The following SPAG16 variants were observed in gnomAD, a reference collection of about 807,000 sequenced individuals.
SPAG16 encodes sperm associated antigen 16.
SPAG16 carries 86 observed loss-of-function variants against 80.4 expected under a neutral mutation model. The ratio of observed to expected loss-of-function variants is 1.07; its 90% CI spans 0.90 to 1.28. The LOEUF is 1.28. Among genes scored for constraint, SPAG16 ranks in the 50% most tolerant of loss-of-function variants. The pLI, the probability that SPAG16 is intolerant of heterozygous loss-of-function variation, is 0.00. For missense variants in SPAG16, 870 were observed against 765.3 expected (o/e 1.14, Z -1.61); for synonymous variants, 294 against 265.9 (o/e 1.11, Z -1.03).
chr2:213,989,358 T>G (rs2046170953), intron 12 of SPAG16, among the ~76,000 whole-genome samples: 1 of 152,100 alleles, frequency 6.6e-6, no homozygotes, highest in South Asian at 2.1e-4. Context: ...TAAAACTAAC[T>G]CAGTTTGCGG....
intron 10 of SPAG16, among the ~76,000 whole-genome samples, chr2:213,844,940 A>G (rs777960433): frequency 3.4e-4 from 52 of 152,340 alleles, no homozygotes; most frequent in Admixed American, 1.4e-3. Context: ...CTAAAAATAC[A>G]CTAAGTGGCA....
chr2:214,184,137 A>T (rs2057395810), intron 15 of SPAG16, among the ~76,000 whole-genome samples: 1 of 152,110 alleles, frequency 6.6e-6, no homozygotes, highest in African/African-American at 2.4e-5. Flanking sequence ...ATATGCTTAT[A>T]GTCTGATATT....
At chr2:214,070,114 C>T (rs1221093105) in intron 13 of SPAG16, among the ~76,000 whole-genome samples, 3 of 149,614 alleles carry the variant, frequency 2.0e-5, no homozygotes, top group Admixed American at 6.7e-5. Flanking sequence ...TGAAATACCT[C>T]TTTGTGCATT....
chr2:213,572,592 G>T (rs1209216606), intron 10 of SPAG16, among the ~76,000 whole-genome samples: 2 of 152,140 alleles, frequency 1.3e-5, no homozygotes, highest in African/African-American at 2.4e-5. Context: ...GCAGTCGGCG[G>T]GTTCTCAGAT....
chr2:213,349,425 A>G (rs1262704766), intron 6 of SPAG16, among the ~76,000 whole-genome samples: 1 of 152,156 alleles, frequency 6.6e-6, no homozygotes, highest in East Asian at 1.9e-4. Context: ...AATAAGATGG[A>G]TAAACTCTTA....
intron 10 of SPAG16, among the ~76,000 whole-genome samples, chr2:213,656,552 T>C (rs2063231552): frequency 6.6e-6 from 1 of 152,230 alleles, no homozygotes; most frequent in African/African-American, 2.4e-5. Flanking sequence ...GGCCATGTAG[T>C]ACTCATGAGG....
At chr2:213,616,004 A>G (rs2061582494) in intron 10 of SPAG16, among the ~76,000 whole-genome samples, 1 of 152,216 alleles carries the variant, frequency 6.6e-6, no homozygotes, top group African/African-American at 2.4e-5. Flanking sequence ...GCACATGTAT[A>G]CCTACGTAAC....
At chr2:214,233,157 G>A (rs772644911) in intron 15 of SPAG16, among the ~76,000 whole-genome samples, 2 of 151,928 alleles carry the variant, frequency 1.3e-5, no homozygotes, top group African/African-American at 4.8e-5. Context: ...TAGCATAGAG[G>A]TTTGCCTCCA....
intron 8 of SPAG16, among the ~76,000 whole-genome samples, chr2:213,367,292 G>T (rs1223132403): frequency 1.3e-5 from 2 of 151,466 alleles, no homozygotes; most frequent in Admixed American, 6.6e-5. Context: ...ATAATCCTTT[G>T]GGTATATACC....
intron 9 of SPAG16, among the ~76,000 whole-genome samples, chr2:213,400,928 C>T (rs1378408704): frequency 2.0e-5 from 3 of 152,120 alleles, no homozygotes; most frequent in African/African-American, 7.2e-5. Context: ...CCACCTCAGC[C>T]TTCCAAGTAG....
At chr2:213,980,959 CT>C in intron 12 of SPAG16, among the ~76,000 whole-genome samples, 1 of 151,776 alleles carries the variant, frequency 6.6e-6, no homozygotes, top group Non-Finnish European at 1.5e-5. Context: ...CTATGTGGGT[CT>C]TCCTGTATTA....
At chr2:213,284,726 C>A in intron 1 of SPAG16, 107 bp downstream of exon 1, 1 of 1,415,036 alleles carries the variant, frequency 7.1e-7, no homozygotes, top group Non-Finnish European at 9.3e-7. Flanking sequence ...GGGGCCACTC[C>A]GGAGGAGCCT....
intron 14 of SPAG16, among the ~76,000 whole-genome samples, chr2:214,109,055 A>T (rs1238506456): frequency 2.0e-5 from 3 of 152,140 alleles, no homozygotes; most frequent in Non-Finnish European, 4.4e-5. Flanking sequence ...TTGAAGCTGC[A>T]AGTTCAGTCT....
chr2:213,552,837 T>A (rs1321598518), intron 10 of SPAG16, among the ~76,000 whole-genome samples: 4 of 152,194 alleles, frequency 2.6e-5, no homozygotes, highest in Non-Finnish European at 5.9e-5. Flanking sequence ...AGGACTAGAC[T>A]GGCTAAGTCT....
At chr2:214,383,371 G>A (rs1214477150) in intron 15 of SPAG16, among the ~76,000 whole-genome samples, 10 of 152,036 alleles carry the variant, frequency 6.6e-5, no homozygotes, top group African/African-American at 1.9e-4. Context: ...TCAGGAGTTC[G>A]AGACAAGCCT....
chr2:214,407,130 T>C (rs1340506110), intron 15 of SPAG16, among the ~76,000 whole-genome samples: 1 of 152,094 alleles, frequency 6.6e-6, no homozygotes, highest in Non-Finnish European at 1.5e-5. Flanking sequence ...TTAAAATACC[T>C]TTATAAATCA....
rs187911551 is a variant in SPAG16, at chr2:214,023,477, T to C, written c.1527+9400T>C. Among the ~76,000 whole-genome samples the C allele has an allele frequency of 9.5e-4, 144 of 151,938 alleles. 1 individual carries two copies. Among genetic ancestry groups the C allele is most frequent in the African/African-American group, 3.3e-3 (137 of 41,552 alleles). On this transcript the variant is annotated intron_variant, in intron 13 of 15. Transcript: ENST00000331683. Reference sequence around the variant, plus strand: ...AAGATTTTCAGAACTTACAGTCATATCATTTACATTTGTCATTAACTTAAG... The same window carrying C: ...AAGATTTTCAGAACTTACAGTCATACCATTTACATTTGTCATTAACTTAAG...
At chr2:213,968,399 G>C (rs2044832498) in intron 12 of SPAG16, among the ~76,000 whole-genome samples, 1 of 152,122 alleles carries the variant, frequency 6.6e-6, no homozygotes, top group Admixed American at 6.5e-5. Flanking sequence ...TGCCATGTTG[G>C]CCAGCCTGGT....
intron 10 of SPAG16, among the ~76,000 whole-genome samples, chr2:213,800,993 T>A (rs2071360856): frequency 6.6e-6 from 1 of 152,196 alleles, no homozygotes; most frequent in Non-Finnish European, 1.5e-5. Context: ...TTTTGAAACT[T>A]TGATATCCCA....
Sources: allele counts gnomAD v4.1 joint callset (sites outside exome capture counted in the v4.1 genomes callset), GRCh38; gene constraint gnomAD v4.1.1; transcripts MANE v1.5; gene names NCBI Gene and HGNC (gene_info 2026-07-23, HGNC 2026-07-21).